The following BTBD9 variants were observed in gnomAD, a reference collection of about 807,000 sequenced individuals.
BTBD9 encodes the protein BTB/POZ domain-containing protein 9.
BTBD9 carries 49 observed loss-of-function variants against 64.3 expected under a neutral mutation model. The ratio of observed to expected loss-of-function variants is 0.76; its 90% CI spans 0.61 to 0.97. The LOEUF (loss-of-function observed/expected upper bound fraction) is 0.97, where lower values mean the gene tolerates loss of function less well. Ranked by LOEUF, BTBD9 falls within the 50% of genes least tolerant of loss-of-function variation. The pLI is 0.00. For synonymous variants in BTBD9, 260 were observed against 274.7 expected (o/e 0.95, Z 0.53); for missense variants, 598 against 762.1 (o/e 0.78, Z 2.53).
At chr6:38,224,472 C>A (rs1283218716) in intron 9 of BTBD9, among the ~76,000 whole-genome samples, 1 of 152,100 alleles carries the variant, frequency 6.6e-6, no homozygotes, top group East Asian at 1.9e-4. Context: ...GGAAGAGGAC[C>A]CTTGGGGTAA....
In BTBD9 at chr6:38,291,272, C is replaced by T. The variant is rs1393888900; in HGVS notation, c.1265-2811G>A. Among the ~76,000 whole-genome samples the T allele has an allele frequency of 2.6e-5, 4 of 152,168 alleles. No homozygotes were observed. The East Asian group carries it at 7.7e-4, about 29-fold the overall frequency. ...TTTGTAGCAATTGTGAATGGGAGTTCACTCATGATTTGGCTCTCTGTTTAT... is the reference window on the plus strand; with the variant it reads ...TTTGTAGCAATTGTGAATGGGAGTTTACTCATGATTTGGCTCTCTGTTTAT... On this transcript the variant is annotated intron_variant, in intron 7 of 10. Coordinates refer to ENST00000481247, the MANE Select transcript of BTBD9 (RefSeq NM_001099272.2).
At chr6:38,286,908 C>A (rs536117239) in intron 8 of BTBD9, among the ~76,000 whole-genome samples, 39 of 151,516 alleles carry the variant, frequency 2.6e-4, no homozygotes, top group South Asian at 2.1e-3. Context: ...ATGATGAAAC[C>A]CCATCTCTAC....
chr6:38,269,832 T>C (rs539624160), intron 8 of BTBD9, among the ~76,000 whole-genome samples: 1 of 152,320 alleles, frequency 6.6e-6, no homozygotes, highest in African/African-American at 2.4e-5. Context: ...AAGAATTGCC[T>C]TTCTAGAAAT....
chr6:38,237,437 G>C (rs1377557558), intron 9 of BTBD9, among the ~76,000 whole-genome samples: 1 of 152,196 alleles, frequency 6.6e-6, no homozygotes. Context: ...CCTGGTTTTA[G>C]CAAGTCAGAT....
intron 10 of BTBD9, among the ~76,000 whole-genome samples, chr6:38,191,751 A>G (rs1370676694): frequency 6.6e-6 from 1 of 152,142 alleles, no homozygotes; most frequent in Non-Finnish European, 1.5e-5. Context: ...TCATGGCAGG[A>G]AGGTGGGAAG....
intron 6 of BTBD9, among the ~76,000 whole-genome samples, chr6:38,412,992 A>G (rs1287248971): frequency 6.6e-6 from 1 of 152,220 alleles, no homozygotes; most frequent in Non-Finnish European, 1.5e-5. Flanking sequence ...AGTGGTACTT[A>G]ACGGAACTGT....
intron 6 of BTBD9, among the ~76,000 whole-genome samples, chr6:38,454,814 A>C (rs994875545): frequency 1.3e-5 from 2 of 151,794 alleles, no homozygotes; most frequent in Non-Finnish European, 2.9e-5. Flanking sequence ...AAAAAAAAAA[A>C]AACACTAAAT....
chr6:38,616,225 C>T (rs561232232), intron 1 of BTBD9, among the ~76,000 whole-genome samples: 3 of 152,160 alleles, frequency 2.0e-5, no homozygotes, highest in Non-Finnish European at 4.4e-5. Context: ...CTACCAACCA[C>T]TGAGCTTAAT....
intron 9 of BTBD9, among the ~76,000 whole-genome samples, chr6:38,228,341 TC>T (rs756495862): frequency 7.5e-5 from 5 of 66,954 alleles, no homozygotes; most frequent in Non-Finnish European, 1.3e-4. Flanking sequence ...CAAGACCCTG[TC>T]CCCCCCCCCA....
intron 6 of BTBD9, among the ~76,000 whole-genome samples, chr6:38,554,384 T>C (rs1774932323): frequency 6.6e-6 from 1 of 152,054 alleles, no homozygotes; most frequent in South Asian, 2.1e-4. Context: ...AAAAGAAAAA[T>C]AAATGGAAGT....
At chr6:38,249,817 C>A (rs1764331235) in intron 9 of BTBD9, among the ~76,000 whole-genome samples, 1 of 148,286 alleles carries the variant, frequency 6.7e-6, no homozygotes, top group African/African-American at 2.5e-5. Flanking sequence ...TAAGACTCAA[C>A]AACGGGTAAA....
Position 38,598,136 on chromosome 6 carries a change from A to G in BTBD9, c.-27-15T>C. Reference sequence around the variant, plus strand: ...TAGTCGTTGTTCTATCATATAAAGAAGGAATGAGAGTTAGTTGGGGGAGGG... The same window carrying G: ...TAGTCGTTGTTCTATCATATAAAGAGGGAATGAGAGTTAGTTGGGGGAGGG... On this transcript the variant is annotated splice_polypyrimidine_tract_variant and intron_variant, in intron 1 of 10. Coordinates refer to ENST00000481247, the MANE Select transcript of BTBD9 (RefSeq NM_001099272.2). 6.3e-7 allele frequency: 1 copy of G among 1,576,992 alleles called. No individual in the cohort carries two copies. The highest frequency in any genetic ancestry group is 2.3e-5 in the East Asian group (1 of 44,386).
Position 38,174,680 on chromosome 6 carries a change from T to G in BTBD9, c.*305A>C, listed in dbSNP as rs1766920885. ...ATTCCAACACAGGCCTGTCTATGAC[T>G]TCCTCCTGTTCCCTGCGCCTGGGCT... is the stretch of plus-strand genomic sequence containing the variant. On this transcript the variant is annotated 3_prime_UTR_variant, in exon 11 of 11. Coordinates refer to ENST00000481247, the MANE Select transcript of BTBD9 (RefSeq NM_001099272.2). The G allele has an allele frequency of 2.6e-6, 1 of 381,980 alleles. No individual in the cohort carries two copies. The highest frequency in any genetic ancestry group is 2.0e-5 in the African/African-American group (1 of 49,798). The allele number at this position is 381,980 out of a possible 1,614,324, so 23.7% of individuals were successfully genotyped here.
chr6:38,615,549 C>T (rs1056369047), intron 1 of BTBD9, among the ~76,000 whole-genome samples: 1 of 152,154 alleles, frequency 6.6e-6, no homozygotes, highest in Non-Finnish European at 1.5e-5. Context: ...GGATCCTTAT[C>T]ATTACCTTCC....
At chr6:38,391,141 A>G (rs1385984363) in intron 6 of BTBD9, among the ~76,000 whole-genome samples, 2 of 152,254 alleles carry the variant, frequency 1.3e-5, no homozygotes, top group East Asian at 3.8e-4. Flanking sequence ...GGAAGGCATC[A>G]GGCTGAGGGG....
intron 6 of BTBD9, among the ~76,000 whole-genome samples, chr6:38,539,431 T>C (rs941744764): frequency 3.9e-5 from 6 of 152,210 alleles, no homozygotes; most frequent in Non-Finnish European, 8.8e-5. Flanking sequence ...TCTGAGACTC[T>C]GGTGTGTAAA....
At chr6:38,531,517 T>C (rs182958787) in intron 6 of BTBD9, among the ~76,000 whole-genome samples, 1 of 152,258 alleles carries the variant, frequency 6.6e-6, no homozygotes, top group Admixed American at 6.5e-5. Flanking sequence ...AACTCACCGA[T>C]AGAGAATACA....
At position 38,577,837 on chromosome 6, in the gene BTBD9, T is replaced by C. The variant is rs1776123615; in HGVS notation, c.1035-118A>G. On this transcript the variant is annotated intron_variant, in intron 5 of 10. Coordinates refer to ENST00000481247, the MANE Select transcript of BTBD9 (RefSeq NM_001099272.2). ...TACAGAATTCACTAATTACATTTTCTACATAATCAAATTCTAATAACAAAA... is the reference window on the plus strand; with the variant it reads ...TACAGAATTCACTAATTACATTTTCCACATAATCAAATTCTAATAACAAAA... The C allele has an allele frequency of 1.0e-5, 9 of 887,484 alleles. No homozygotes were observed. The East Asian group carries it at 2.2e-4, about 21-fold the overall frequency. 55.0% of individuals were successfully genotyped at this position (887,484 alleles called of 1,614,324 possible).
chr6:38,631,866 C>T (rs533886104), intron 1 of BTBD9, among the ~76,000 whole-genome samples: 2 of 152,330 alleles, frequency 1.3e-5, no homozygotes, highest in East Asian at 1.9e-4. Context: ...CGGTGGCTCA[C>T]GCCTGTAATC....
Sources: gnomAD v4.1 joint callset for allele counts (sites outside exome capture counted in the v4.1 genomes callset) on GRCh38, gnomAD v4.1.1 for gene constraint, MANE v1.5 for transcripts, NCBI Gene and HGNC (gene_info 2026-07-23, HGNC 2026-07-21) for gene names.